The following ACSF3 variants were observed in gnomAD, a reference collection of about 807,000 sequenced individuals.
The protein encoded by ACSF3 is malonate--CoA ligase ACSF3, mitochondrial.
Under a neutral mutation model 53.2 loss-of-function variants are expected in ACSF3, and 78 were observed. The ratio of observed to expected loss-of-function variants is 1.47; its 90% CI spans 1.22 to 1.77. The LOEUF (loss-of-function observed/expected upper bound fraction) is 1.77, where lower values mean the gene tolerates loss of function less well. Ranked by LOEUF, ACSF3 falls within the 40% of genes most tolerant of loss-of-function variation. ACSF3 has a pLI of 0.00. For synonymous variants in ACSF3, 414 were observed against 333.1 expected (o/e 1.24, Z -2.65); for missense variants, 937 against 771.1 (o/e 1.22, Z -2.55).
chr16:89,115,705 C>A (rs1905011415), intron 6 of ACSF3, among the ~76,000 whole-genome samples: 1 of 152,228 alleles, frequency 6.6e-6, no homozygotes, highest in Non-Finnish European at 1.5e-5. Flanking sequence ...TACACCATCC[C>A]CTTCCCCCTG....
At chr16:89,126,176 A>C (rs1352970814) in intron 7 of ACSF3, among the ~76,000 whole-genome samples, 1 of 152,158 alleles carries the variant, frequency 6.6e-6, no homozygotes, top group Non-Finnish European at 1.5e-5. Context: ...TTTATAAGTA[A>C]ATGTTTCTTC....
chr16:89,135,263 C>T (rs773365537), intron 8 of ACSF3, among the ~76,000 whole-genome samples: 21 of 152,252 alleles, frequency 1.4e-4, no homozygotes, highest in African/African-American at 1.9e-4. Flanking sequence ...AGCGTGCAGG[C>T]GGGATGGGCT....
chr16:89,124,805 G>T (rs1204737105), intron 7 of ACSF3, among the ~76,000 whole-genome samples: 1 of 152,202 alleles, frequency 6.6e-6, no homozygotes, highest in African/African-American at 2.4e-5. Flanking sequence ...TGTGATATTT[G>T]TTGAAAAGAC....
intron 6 of ACSF3, chr16:89,114,975 C>G (rs1379471801): frequency 7.6e-6 from 2 of 261,806 alleles, no homozygotes; most frequent in African/African-American, 4.4e-5. Context: ...GCTCCTGATA[C>G]CGGGCCCCTC....
Position 89,124,730 on chromosome 16 carries a change from CGT to C in ACSF3, c.1239+3824_1239+3825del, listed in dbSNP as rs532474081. On this transcript the variant is annotated intron_variant, in intron 7 of 10. Coordinates refer to ENST00000614302, the MANE Select transcript of ACSF3 (RefSeq NM_001243279.3). ...GATACCCATGTGCGCACTGCATATACGTGTGTGTTACCTGTGTGCAACACTGC... is the reference window on the plus strand; with the variant it reads ...GATACCCATGTGCGCACTGCATATACGTGTGTTACCTGTGTGCAACACTGC... Among the ~76,000 whole-genome samples the C allele has an allele frequency of 1.9e-4, 29 of 151,650 alleles. 1 individual carries two copies. The South Asian group carries it at 5.2e-3, about 27-fold the overall frequency.
At chr16:89,132,780 G>T (rs1379817461) in intron 7 of ACSF3, among the ~76,000 whole-genome samples, 1 of 152,150 alleles carries the variant, frequency 6.6e-6, no homozygotes, top group Non-Finnish European at 1.5e-5. Context: ...TGGACAGGCT[G>T]CCTGAATCCA....
chr16:89,108,263 CAT>C lies in ACSF3; in HGVS notation c.823-3828_823-3827del, dbSNP rs776287609. On this transcript the variant is annotated intron_variant, in intron 4 of 10. Coordinates refer to ENST00000614302, the MANE Select transcript of ACSF3 (RefSeq NM_001243279.3). ...GTCCTTAAATTTGTTAAATTCCCCA[CAT>C]GTCTCCTCTTCTGGTGCCTTCATTT... Among the ~76,000 whole-genome samples the C allele has an allele frequency of 4.6e-4, 70 of 152,324 alleles. 1 individual carries two copies. The Middle Eastern group carries it at 0.017, about 37-fold the overall frequency.
intron 5 of ACSF3, among the ~76,000 whole-genome samples, chr16:89,112,739 T>C (rs1181195924): frequency 6.6e-6 from 1 of 151,192 alleles, no homozygotes; most frequent in Non-Finnish European, 1.5e-5. Context: ...CCTGTCCGTC[T>C]CTCTCTCTCT....
chr16:89,117,893 G>A (rs1160945692), intron 6 of ACSF3, among the ~76,000 whole-genome samples: 5 of 58,360 alleles, frequency 8.6e-5, no homozygotes, highest in Non-Finnish European at 1.7e-4. Flanking sequence ...TTCAGCTACC[G>A]ACGGCAGGTT....
rs1032016304 is a variant in ACSF3, at chr16:89,105,622, G to A, written c.822+2863G>A. Among the ~76,000 whole-genome samples the A allele has an allele frequency of 1.8e-4, 27 of 152,158 alleles. 1 individual carries two copies. The highest frequency in any genetic ancestry group is 1.4e-3 in the Admixed American group (22 of 15,280). On this transcript the variant is annotated intron_variant, in intron 4 of 10. Coordinates refer to ENST00000614302, the MANE Select transcript of ACSF3 (RefSeq NM_001243279.3). ...GCCTGTGACTGGGCCCCCTCAACCTGCCCCACCTTGGCCTCTGCTCCTTGG... is the reference window on the plus strand; with the variant it reads ...GCCTGTGACTGGGCCCCCTCAACCTACCCCACCTTGGCCTCTGCTCCTTGG...
chr16:89,104,749 G>T (rs1015357743), intron 4 of ACSF3, among the ~76,000 whole-genome samples: 8 of 152,212 alleles, frequency 5.3e-5, no homozygotes, highest in African/African-American at 1.9e-4. Context: ...GGAAAATAAG[G>T]TTGGAGGCCG....
intron 10 of ACSF3, chr16:89,148,719 G>T (rs974365052): frequency 4.6e-5 from 7 of 152,218 alleles, no homozygotes; most frequent in African/African-American, 1.7e-4. Context: ...CACTGCCCTG[G>T]AGCAGTGGCC....
chr16:89,132,009 C>T (rs948481967), intron 7 of ACSF3, among the ~76,000 whole-genome samples: 9 of 152,136 alleles, frequency 5.9e-5, no homozygotes, highest in Non-Finnish European at 7.4e-5. Context: ...GTTTCACCCC[C>T]GTGGGTGGCG....
intron 6 of ACSF3, 175 bp downstream of exon 6, chr16:89,114,662 G>A: frequency 1.1e-6 from 1 of 896,742 alleles, no homozygotes; most frequent in East Asian, 2.7e-5. Context: ...TGTCCCCTCT[G>A]GGTAGATCAG....
rs552295665 is a variant in ACSF3, at chr16:89,155,058, C to T, written c.*851C>T. The T allele has an allele frequency of 4.0e-5, 18 of 454,104 alleles. No homozygotes were observed. The highest frequency in any genetic ancestry group is 6.9e-4 in the Middle Eastern group (1 of 1,444). The allele number at this position is 454,104 out of a possible 1,614,324, so 28.1% of individuals were successfully genotyped here. On this transcript the variant is annotated 3_prime_UTR_variant, in exon 11 of 11. Transcript: ENST00000614302. ...CAGACCCAGCTCCGGAGCCCACAGG[C>T]GTGGCCGATGCAGAAACCTCAGGAA...
intron 8 of ACSF3, among the ~76,000 whole-genome samples, chr16:89,143,225 C>G (rs1442841034): frequency 6.7e-6 from 1 of 149,004 alleles, no homozygotes; most frequent in Non-Finnish European, 1.5e-5. Flanking sequence ...AGTCTCAGCC[C>G]CGTGCGTAGC....
chr16:89,105,750 G>A (rs1053192523), intron 4 of ACSF3, among the ~76,000 whole-genome samples: 21 of 152,256 alleles, frequency 1.4e-4, no homozygotes, highest in African/African-American at 4.3e-4. Flanking sequence ...GTCGTGGACC[G>A]TGCCAGGGCG....
intron 10 of ACSF3, chr16:89,151,129 C>T (rs781014010): frequency 2.5e-4 from 248 of 993,612 alleles, no homozygotes; most frequent in Non-Finnish European, 3.2e-4. Context: ...GGCAGGATGG[C>T]GGCACGGAGG....
chr16:89,112,736 G>A (rs773507045), intron 5 of ACSF3, among the ~76,000 whole-genome samples: 6 of 150,810 alleles, frequency 4.0e-5, no homozygotes, highest in African/African-American at 1.2e-4. Flanking sequence ...TCTCCTGTCC[G>A]TCTCTCTCTC....
Sources: allele counts gnomAD v4.1 joint callset (sites outside exome capture counted in the v4.1 genomes callset), GRCh38; gene constraint gnomAD v4.1.1; transcripts MANE v1.5; gene names NCBI Gene and HGNC (gene_info 2026-07-23, HGNC 2026-07-21).